The following IPPK variants were observed in gnomAD, a reference collection of about 807,000 sequenced individuals.
The protein encoded by IPPK is inositol-pentakisphosphate 2-kinase, also known as IPK1 homolog.
A neutral mutation model predicts 64.6 loss-of-function variants in IPPK; 22 were observed. The ratio of observed to expected loss-of-function variants is 0.34; its 90% confidence interval spans 0.24 to 0.49. The LOEUF (loss-of-function observed/expected upper bound fraction) is 0.49, where lower values mean the gene tolerates loss of function less well. Ranked by LOEUF, IPPK falls within the 20% of genes least tolerant of loss-of-function variation. The pLI is 0.99. For synonymous variants in IPPK, 262 were observed against 247.2 expected, an observed-to-expected ratio of 1.06 and a Z score of -0.56; for missense variants, 532 against 630.7, an observed-to-expected ratio of 0.84 and a Z score of 1.68.
rs1044855369 is a variant in IPPK, at chr9:92,670,100, T to C, written c.-112A>G. 16 of 666,832 alleles carry C rather than the reference T, an allele frequency of 2.4e-5. No individual in the cohort carries two copies. The highest frequency in any genetic ancestry group is 4.1e-5 in the Admixed American group (1 of 24,410). 41.3% of individuals were successfully genotyped at this position (666,832 alleles called of 1,614,324 possible). On this transcript the variant is annotated 5_prime_UTR_variant, in exon 1 of 13. Coordinates refer to ENST00000287996, the MANE Select transcript of IPPK (RefSeq NM_022755.6). The stretch of plus-strand genomic sequence containing the variant: ...GGTCGGGGGAGGAGCGCCTGTCAGC[T>C]GCCGCCCCCGCTCGACCCCGCCGCG...
In IPPK at chr9:92,614,212, C is replaced by T; in HGVS notation, c.*1620G>A. 1 of 152,682 alleles carries T rather than the reference C, an allele frequency of 6.5e-6. No individual in the cohort carries two copies. 9.5% of individuals were successfully genotyped at this position (152,682 alleles called of 1,614,324 possible). ...GGACTGGGGTTCCCTCACATGTGCA[C>T]TTGAACCCAGGACCCAGCATCCTCC... is the stretch of plus-strand genomic sequence containing the variant. On this transcript the variant is annotated 3_prime_UTR_variant, in exon 13 of 13. Coordinates refer to ENST00000287996, the MANE Select transcript of IPPK (RefSeq NM_022755.6).
At chr9:92,633,366 AC>A (rs1228181561) in intron 11 of IPPK, among the ~76,000 whole-genome samples, 2 of 147,822 alleles carry the variant, frequency 1.4e-5, no homozygotes, top group Non-Finnish European at 3.0e-5. Context: ...AATGTAAAAT[AC>A]CAAAAAAAAA....
intron 11 of IPPK, chr9:92,620,020 C>G (rs12686781): frequency 0.2 from 35,558 of 176,620 alleles, 4,658 homozygotes; most frequent in East Asian, 0.65. Context: ...CCCTCCGGAA[C>G]ATCATACAGC....
chr9:92,644,815 G>T (rs910895127), intron 6 of IPPK, among the ~76,000 whole-genome samples: 1 of 152,148 alleles, frequency 6.6e-6, no homozygotes, highest in African/African-American at 2.4e-5. Flanking sequence ...TAATTCCAGA[G>T]GGGCCACATT....
intron 8 of IPPK, among the ~76,000 whole-genome samples, 189 bp from the exon 9 acceptor site, chr9:92,638,469 C>T (rs1851987538): frequency 6.6e-6 from 1 of 152,092 alleles, no homozygotes; most frequent in Non-Finnish European, 1.5e-5. Flanking sequence ...GTGCTATCAA[C>T]CAAGCACCAA....
chr9:92,627,984 G>A (rs1240386234), intron 11 of IPPK, among the ~76,000 whole-genome samples: 1 of 151,956 alleles, frequency 6.6e-6, no homozygotes, highest in Non-Finnish European at 1.5e-5. Flanking sequence ...ATACAAACTC[G>A]GCAACGATGC....
intron 6 of IPPK, among the ~76,000 whole-genome samples, chr9:92,645,219 T>C (rs1852127530): frequency 6.6e-6 from 1 of 151,742 alleles, no homozygotes. Context: ...GGTAAAACCC[T>C]GTCCTACAAA....
At chr9:92,656,626 A>T in intron 2 of IPPK, 75 bp from the exon 3 acceptor site, 1 of 945,776 alleles carries the variant, frequency 1.1e-6, no homozygotes, top group Non-Finnish European at 1.7e-6. Flanking sequence ...GAGAGGCAAA[A>T]ACCACCACGG....
At chr9:92,619,338 C>T in intron 12 of IPPK, 148 bp downstream of exon 12, 1 of 635,918 alleles carries the variant, frequency 1.6e-6, no homozygotes, top group Non-Finnish European at 2.9e-6. Flanking sequence ...GTTAGTAAGC[C>T]CCATGATGTC....
intron 1 of IPPK, among the ~76,000 whole-genome samples, chr9:92,665,514 A>C (rs1160573182): frequency 1.4e-5 from 2 of 146,956 alleles, no homozygotes; most frequent in Non-Finnish European, 3.0e-5. Flanking sequence ...AAAGAGTATA[A>C]ACTTTTTAAA....
intron 1 of IPPK, among the ~76,000 whole-genome samples, chr9:92,665,823 T>C (rs1475966548): frequency 6.6e-6 from 1 of 151,514 alleles, no homozygotes; most frequent in Non-Finnish European, 1.5e-5. Context: ...GCAAAAAAAA[T>C]ACATATATAT....
At chr9:92,656,412 G>A (rs752294857) in intron 3 of IPPK, 44 bp downstream of exon 3, 2 of 1,310,380 alleles carry the variant, frequency 1.5e-6, no homozygotes, top group African/African-American at 2.9e-5. Flanking sequence ...CAGTGTTGAT[G>A]CAAAACATGC....
At chr9:92,642,436 G>A (rs1305910568) in intron 7 of IPPK, among the ~76,000 whole-genome samples, 1 of 152,268 alleles carries the variant, frequency 6.6e-6, no homozygotes, top group African/African-American at 2.4e-5. Context: ...ACCAAACTAT[G>A]AGGGCCCAGA....
chr9:92,656,613 G>A (rs1852378958), intron 2 of IPPK, 62 bp from the exon 3 acceptor site: 6 of 1,142,562 alleles, frequency 5.3e-6, no homozygotes, highest in East Asian at 4.7e-5. Flanking sequence ...CCTTGCTTGA[G>A]GGGAGAGGCA....
chr9:92,615,677 CTCT>C lies in IPPK; in HGVS notation c.*152_*154del. 1.7e-6 allele frequency: 1 copy of C among 605,004 alleles called. No homozygotes were observed. The highest frequency in any genetic ancestry group is 2.8e-5 in the East Asian group (1 of 35,506). 37.5% of individuals were successfully genotyped at this position (605,004 alleles called of 1,614,324 possible). A position where few individuals can be genotyped will look rare whatever the true frequency, so the allele number is the denominator to read the frequency against. On this transcript the variant is annotated 3_prime_UTR_variant, in exon 13 of 13. Coordinates refer to ENST00000287996, the MANE Select transcript of IPPK (RefSeq NM_022755.6). ...CTTGTCCAGGAAGTTGTTTCTAGTG[CTCT>C]TCAATTCCATGTCTCCAAGAGGCAA...
At chr9:92,649,979 T>C (rs180925614) in intron 4 of IPPK, among the ~76,000 whole-genome samples, 18 of 137,406 alleles carry the variant, frequency 1.3e-4, no homozygotes, top group Non-Finnish European at 2.1e-4. Flanking sequence ...TGAGCCGAGA[T>C]CGTGCTACTG....
At chr9:92,654,943 G>A (rs114966114) in intron 3 of IPPK, among the ~76,000 whole-genome samples, 1,527 of 152,362 alleles carry the variant, frequency 0.01, 32 homozygotes, top group African/African-American at 0.035. Context: ...CCACAGCAGC[G>A]AGGTGGAACT....
intron 12 of IPPK, 165 bp downstream of exon 12, chr9:92,619,321 G>A: frequency 1.7e-6 from 1 of 602,522 alleles, no homozygotes; most frequent in South Asian, 2.0e-5. Context: ...GCTTCTAGAG[G>A]GCGAGAGTTA....
At chr9:92,659,784 G>A (rs1043684371) in intron 1 of IPPK, among the ~76,000 whole-genome samples, 6 of 152,068 alleles carry the variant, frequency 3.9e-5, no homozygotes, top group East Asian at 1.9e-4. Context: ...CCCGCTCCCC[G>A]CAGCCCTACT....
Sources: allele counts gnomAD v4.1 joint callset (sites outside exome capture counted in the v4.1 genomes callset), GRCh38; gene constraint gnomAD v4.1.1; transcripts MANE v1.5; gene names NCBI Gene and HGNC (gene_info 2026-07-23, HGNC 2026-07-21).